Variants in NTM observed in about 807,000 individuals in gnomAD.
The protein encoded by NTM is neurotrimin.
A neutral mutation model predicts 42.1 loss-of-function variants in NTM; 13 were observed. The observed-to-expected ratio is 0.31, with a 90% CI of 0.20 to 0.49. NTM has a LOEUF of 0.49. Among genes scored for constraint, NTM ranks in the 20% least tolerant of loss-of-function variants. The pLI, the probability that NTM is intolerant of heterozygous loss-of-function variation, is 0.99. For missense variants in NTM, 373 were observed against 452.8 expected, an observed-to-expected ratio of 0.82 and a Z score of 1.60; for synonymous variants, 187 against 179.2, an observed-to-expected ratio of 1.04 and a Z score of -0.35.
chr11:131,657,555 G>A (rs1023783318), intron 1 of NTM, among the ~76,000 whole-genome samples: 1 of 152,158 alleles, frequency 6.6e-6, no homozygotes, highest in African/African-American at 2.4e-5. Context: ...CTTCTCCACT[G>A]TCTCCTCAGA....
intron 1 of NTM, among the ~76,000 whole-genome samples, chr11:131,522,353 CA>C (rs10709500): frequency 0.89 from 130,886 of 147,764 alleles, 57,476 homozygotes; most frequent in Middle Eastern, 0.91. Context: ...TGCAGAACAA[CA>C]AGAAAAAAAA....
chr11:131,528,063 A>AT (rs796317787), intron 1 of NTM, among the ~76,000 whole-genome samples: 10 of 151,640 alleles, frequency 6.6e-5, no homozygotes, highest in Admixed American at 5.9e-4. Context: ...AATGTTCCAA[A>AT]TTTTTTTAAA....
intron 1 of NTM, among the ~76,000 whole-genome samples, chr11:131,439,383 C>T (rs61901893): frequency 2.0e-4 from 31 of 152,286 alleles, no homozygotes; most frequent in Non-Finnish European, 3.5e-4. Context: ...GTTTCTGCTG[C>T]CTTTTGTTCA....
chr11:131,566,716 T>G (rs2056927882), intron 1 of NTM, among the ~76,000 whole-genome samples: 1 of 152,196 alleles, frequency 6.6e-6, no homozygotes, highest in African/African-American at 2.4e-5. Flanking sequence ...ATAATATTGT[T>G]GGGCAAAGTG....
chr11:132,120,499 G>A (rs1338557223), intron 2 of NTM, among the ~76,000 whole-genome samples: 17 of 152,168 alleles, frequency 1.1e-4, no homozygotes, highest in Non-Finnish European at 1.0e-4. Context: ...CAGTGTCTTT[G>A]CTGTGGGCAA....
chr11:132,272,810 T>C (rs2093545050), intron 4 of NTM, among the ~76,000 whole-genome samples: 1 of 152,106 alleles, frequency 6.6e-6, no homozygotes, highest in African/African-American at 2.4e-5. Flanking sequence ...GATCCTGTCA[T>C]TTGTGAATAG....
At chr11:132,039,485 A>C (rs938442684) in intron 2 of NTM, among the ~76,000 whole-genome samples, 2 of 146,670 alleles carry the variant, frequency 1.4e-5, no homozygotes, top group Admixed American at 1.4e-4. Context: ...TTAAACTCTT[A>C]GGCTCAAGCG....
At chr11:131,683,003 C>T (rs1044182055) in intron 1 of NTM, among the ~76,000 whole-genome samples, 1 of 152,204 alleles carries the variant, frequency 6.6e-6, no homozygotes, top group African/African-American at 2.4e-5. Context: ...CTCTCTATCA[C>T]GCAAGCACGT....
intron 1 of NTM, among the ~76,000 whole-genome samples, chr11:131,814,922 A>C (rs1272813376): frequency 1.3e-5 from 2 of 152,018 alleles, no homozygotes; most frequent in East Asian, 3.9e-4. Context: ...TATCTCTCCA[A>C]ACCCACTACC....
At chr11:131,584,404 G>T (rs546407843) in intron 1 of NTM, among the ~76,000 whole-genome samples, 1 of 152,302 alleles carries the variant, frequency 6.6e-6, no homozygotes, top group Admixed American at 6.5e-5. Flanking sequence ...TCTCCTTCTT[G>T]GTGGAGGCAG....
rs1593598252 is a variant in NTM, at chr11:132,003,136, A to AC, written c.167+91491dup. Among the ~76,000 whole-genome samples the AC allele has an allele frequency of 6.6e-6, 1 of 151,646 alleles. No homozygotes were observed. The highest frequency in any genetic ancestry group is 2.4e-5 in the African/African-American group (1 of 41,282). ...CAATTCTGCTTATATTTCCTCCTTCACCCTAATGCTAGCCCGGTTCTGAGC... is the reference window on the plus strand; with the variant it reads ...CAATTCTGCTTATATTTCCTCCTTCACCCCTAATGCTAGCCCGGTTCTGAGC... On this transcript the variant is annotated intron_variant, in intron 2 of 8. Transcript: ENST00000683400. The surrounding 1 kb of genome is among the most constrained non-coding windows in gnomAD (Gnocchi z 6.0).
chr11:131,596,996 G>C (rs1439616050), intron 1 of NTM, among the ~76,000 whole-genome samples: 2 of 152,130 alleles, frequency 1.3e-5, no homozygotes, highest in African/African-American at 4.8e-5. Context: ...GAGGCTATCA[G>C]GATCTCTTTT....
At chr11:131,591,232 G>A (rs2059338593) in intron 1 of NTM, among the ~76,000 whole-genome samples, 1 of 152,286 alleles carries the variant, frequency 6.6e-6, no homozygotes, top group Admixed American at 6.5e-5. Context: ...CTCACTCATC[G>A]CAGAACCAGA....
intron 1 of NTM, among the ~76,000 whole-genome samples, chr11:131,890,798 G>T (rs1321049084): frequency 6.6e-6 from 1 of 152,156 alleles, no homozygotes; most frequent in Non-Finnish European, 1.5e-5. Context: ...GGTTATCTCT[G>T]GGATGAGGTT....
intron 1 of NTM, among the ~76,000 whole-genome samples, chr11:131,522,170 C>T (rs1345311514): frequency 1.3e-5 from 2 of 152,014 alleles, no homozygotes; most frequent in African/African-American, 2.4e-5. Flanking sequence ...GATCTCTTCC[C>T]CTCCCAGACT....
chr11:131,544,814 T>A (rs1287471652), intron 1 of NTM, among the ~76,000 whole-genome samples: 1 of 152,146 alleles, frequency 6.6e-6, no homozygotes, highest in Non-Finnish European at 1.5e-5. Flanking sequence ...TTGCTCTATG[T>A]TTTGAGCCCT....
chr11:132,336,790 T>C lies in NTM; in HGVS notation c.*1644T>C, dbSNP rs998927798. The C allele has an allele frequency of 2.0e-5, 3 of 152,176 alleles. No individual in the cohort carries two copies. The highest frequency in any genetic ancestry group is 7.2e-5 in the African/African-American group (3 of 41,432). The allele number at this position is 152,176 out of a possible 1,614,324, so 9.4% of individuals were successfully genotyped here. A position where few individuals can be genotyped will look rare whatever the true frequency, so the allele number is the denominator to read the frequency against. On this transcript the variant is annotated 3_prime_UTR_variant, in exon 9 of 9. Coordinates refer to ENST00000683400, the MANE Select transcript of NTM (RefSeq NM_001352005.2). ...CCGGGAGGGTGGGGTTGTCTCTGACTTGACATTAAAAAGTGTTCCATGTCC... is the reference window on the plus strand; with the variant it reads ...CCGGGAGGGTGGGGTTGTCTCTGACCTGACATTAAAAAGTGTTCCATGTCC...
intron 2 of NTM, among the ~76,000 whole-genome samples, chr11:132,104,396 T>C (rs994297037): frequency 2.6e-5 from 4 of 152,032 alleles, no homozygotes; most frequent in Admixed American, 6.5e-5. Flanking sequence ...GTTCATGTAT[T>C]TTTTTCGTAA....
At chr11:132,097,025 C>G (rs775001283) in intron 2 of NTM, among the ~76,000 whole-genome samples, 12 of 152,154 alleles carry the variant, frequency 7.9e-5, no homozygotes, top group Non-Finnish European at 1.3e-4. Context: ...GTTACTAACC[C>G]AGCTGAATAG....
Sources: allele counts gnomAD v4.1 joint callset (sites outside exome capture counted in the v4.1 genomes callset), GRCh38; gene constraint gnomAD v4.1.1; non-coding constraint Gnocchi (gnomAD v3.1); transcripts MANE v1.5; gene names NCBI Gene and HGNC (gene_info 2026-07-23, HGNC 2026-07-21).